LPGAT1: variants seen among roughly 807,000 people sequenced by gnomAD.
LPGAT1 encodes the protein acyl-CoA:lysophosphatidylglycerol acyltransferase 1.
A neutral mutation model predicts 47.5 loss-of-function variants in LPGAT1; 11 were observed. The ratio of observed to expected loss-of-function variants is 0.23; its 90% CI spans 0.15 to 0.38. The LOEUF (loss-of-function observed/expected upper bound fraction) is 0.38. Ranked by LOEUF, LPGAT1 falls within the 10% of genes least tolerant of loss-of-function variation. LPGAT1 has a pLI of 1.00. For missense variants in LPGAT1, 293 were observed against 439.0 expected (o/e 0.67, Z 2.97); for synonymous variants, 138 against 144.2 (o/e 0.96, Z 0.31).
chr1:211,766,165 C>T (rs1395455319), intron 6 of LPGAT1, among the ~76,000 whole-genome samples: 1 of 152,128 alleles, frequency 6.6e-6, no homozygotes, highest in Non-Finnish European at 1.5e-5. Context: ...CCATCAGCTC[C>T]CCAGTTCTTC....
At chr1:211,812,839 C>T (rs769920604) in intron 2 of LPGAT1, among the ~76,000 whole-genome samples, 11 of 152,198 alleles carry the variant, frequency 7.2e-5, no homozygotes, top group Non-Finnish European at 1.3e-4. Context: ...GGATCTCCCC[C>T]AGAACCTCTG....
intron 4 of LPGAT1, among the ~76,000 whole-genome samples, chr1:211,786,015 C>A (rs1406567816): frequency 6.6e-6 from 1 of 152,272 alleles, no homozygotes; most frequent in East Asian, 1.9e-4. Flanking sequence ...GCTAGCTTTT[C>A]GGATCCCTGA....
chr1:211,796,669 C>T (rs776335750), intron 2 of LPGAT1, among the ~76,000 whole-genome samples: 10 of 152,180 alleles, frequency 6.6e-5, no homozygotes, highest in Non-Finnish European at 1.5e-4. Flanking sequence ...TCCCCATCCT[C>T]TCTCTTCCCT....
At chr1:211,819,726 T>A (rs146253936) in intron 2 of LPGAT1, among the ~76,000 whole-genome samples, 2,049 of 152,266 alleles carry the variant, frequency 0.013, 16 homozygotes, top group Middle Eastern at 0.037. Context: ...GGCTCACGCC[T>A]GTAATCCCAG....
chr1:211,802,404 A>T (rs550256921), intron 2 of LPGAT1, among the ~76,000 whole-genome samples: 1 of 152,198 alleles, frequency 6.6e-6, no homozygotes, highest in South Asian at 2.1e-4. Context: ...CAGAAAAATA[A>T]AGAATCTGAG....
chr1:211,770,955 A>C (rs895371097), intron 6 of LPGAT1, among the ~76,000 whole-genome samples: 2 of 151,978 alleles, frequency 1.3e-5, no homozygotes, highest in African/African-American at 4.8e-5. Flanking sequence ...AAATTACCTG[A>C]GCATGGTGGC....
chr1:211,769,847 T>C (rs1658089625), intron 6 of LPGAT1, among the ~76,000 whole-genome samples: 1 of 152,204 alleles, frequency 6.6e-6, no homozygotes, highest in African/African-American at 2.4e-5. Context: ...GGAAGGTCTC[T>C]ATGACCTGTA....
chr1:211,830,353 G>A lies in LPGAT1; in HGVS notation c.-28+220C>T, dbSNP rs1431001118. On this transcript the variant is annotated intron_variant, in intron 1 of 7. Coordinates refer to ENST00000366997, the MANE Select transcript of LPGAT1 (RefSeq NM_014873.3). This position sits in a 1 kb window ranked among gnomAD's most constrained non-coding sequence, Gnocchi z 5.9. ...TGCCTGCGGACAGAGGGACGGCGGGGACTCAGAGGCCGGACCTGTCACCCG... is the reference window on the plus strand; with the variant it reads ...TGCCTGCGGACAGAGGGACGGCGGGAACTCAGAGGCCGGACCTGTCACCCG... The A allele has an allele frequency of 8.7e-7, 1 of 1,152,420 alleles. No homozygotes were observed. Among genetic ancestry groups the A allele is most frequent in the East Asian group, 4.1e-5 (1 of 24,390 alleles). 71.4% of individuals were successfully genotyped at this position (1,152,420 alleles called of 1,614,324 possible). A position where few individuals can be genotyped will look rare whatever the true frequency, so the allele number is the denominator to read the frequency against.
chr1:211,771,536 C>T (rs1264087583), intron 6 of LPGAT1, among the ~76,000 whole-genome samples: 1 of 152,028 alleles, frequency 6.6e-6, no homozygotes, highest in East Asian at 1.9e-4. Context: ...CAGAGTCTCA[C>T]TCTGTCACCC....
At chr1:211,762,315 A>G (rs543945938) in intron 6 of LPGAT1, among the ~76,000 whole-genome samples, 2 of 152,270 alleles carry the variant, frequency 1.3e-5, no homozygotes, top group East Asian at 3.9e-4. Flanking sequence ...ATGCTGGTGA[A>G]GTATCTATTG....
chr1:211,764,845 T>C (rs527754526), intron 6 of LPGAT1, among the ~76,000 whole-genome samples: 21 of 152,264 alleles, frequency 1.4e-4, no homozygotes, highest in East Asian at 5.8e-4. Context: ...TTTGTGTAGA[T>C]AGGAAGATGG....
chr1:211,801,547 C>T (rs1055204474), intron 2 of LPGAT1, among the ~76,000 whole-genome samples: 1 of 151,638 alleles, frequency 6.6e-6, no homozygotes, highest in Non-Finnish European at 1.5e-5. Context: ...CTCATCTCTA[C>T]AAAAAAAATT....
At chr1:211,786,977 T>C (rs527991060) in intron 4 of LPGAT1, among the ~76,000 whole-genome samples, 2 of 152,154 alleles carry the variant, frequency 1.3e-5, no homozygotes. Context: ...CTACATATTA[T>C]TCAAGTTTGG....
At chr1:211,767,716 T>C (rs960191636) in intron 6 of LPGAT1, among the ~76,000 whole-genome samples, 1 of 152,086 alleles carries the variant, frequency 6.6e-6, no homozygotes, top group Non-Finnish European at 1.5e-5. Context: ...AATTATTAGA[T>C]AGCTGAAGTA....
intron 2 of LPGAT1, among the ~76,000 whole-genome samples, chr1:211,804,139 C>A (rs1450085293): frequency 6.6e-6 from 1 of 152,166 alleles, no homozygotes; most frequent in Non-Finnish European, 1.5e-5. Context: ...GTGGCACAAT[C>A]AAAGCTCACT....
At chr1:211,785,855 C>T (rs1353839683) in intron 4 of LPGAT1, among the ~76,000 whole-genome samples, 1 of 152,128 alleles carries the variant, frequency 6.6e-6, no homozygotes, top group Non-Finnish European at 1.5e-5. Flanking sequence ...AATCTGTCCA[C>T]CTCGGCCTCC....
chr1:211,785,872 G>C (rs1324611987), intron 4 of LPGAT1, among the ~76,000 whole-genome samples: 1 of 152,048 alleles, frequency 6.6e-6, no homozygotes, highest in Non-Finnish European at 1.5e-5. Context: ...CTCCCAAAGT[G>C]CTGGGATTAC....
At chr1:211,767,808 T>C (rs1437797160) in intron 6 of LPGAT1, among the ~76,000 whole-genome samples, 1 of 152,180 alleles carries the variant, frequency 6.6e-6, no homozygotes, top group East Asian at 1.9e-4. Context: ...CACTGTTTCC[T>C]TCTACTGGGG....
At chr1:211,829,583 C>A in intron 1 of LPGAT1, 2 of 1,270,866 alleles carry the variant, frequency 1.6e-6, no homozygotes, top group Non-Finnish European at 2.0e-6. Flanking sequence ...ACACAATTCC[C>A]ATTCAGTAAT....
Sources: allele counts gnomAD v4.1 joint callset (sites outside exome capture counted in the v4.1 genomes callset), GRCh38; gene constraint gnomAD v4.1.1; non-coding constraint Gnocchi (gnomAD v3.1); transcripts MANE v1.5; gene names NCBI Gene and HGNC (gene_info 2026-07-23, HGNC 2026-07-21).